PPP1R13B: variants seen among roughly 807,000 people sequenced by gnomAD.
PPP1R13B encodes the protein protein phosphatase 1 regulatory subunit 13B, also known as apoptosis-stimulating of p53 protein 1.
Under a neutral mutation model 119.8 loss-of-function variants are expected in PPP1R13B, and 44 were observed. The ratio of observed to expected loss-of-function variants is 0.37; its 90% confidence interval spans 0.29 to 0.47. PPP1R13B has a LOEUF of 0.47. PPP1R13B is among the 20% of genes least tolerant of loss of function. The pLI is 0.99. For missense variants in PPP1R13B, 1,227 were observed against 1,413.5 expected (o/e 0.87, Z 2.12); for synonymous variants, 542 against 561.5 (o/e 0.97, Z 0.49).
At chr14:103,818,655 C>T (rs2086333890) in intron 1 of PPP1R13B, among the ~76,000 whole-genome samples, 1 of 152,104 alleles carries the variant, frequency 6.6e-6, no homozygotes, top group Admixed American at 6.6e-5. Flanking sequence ...CCAGGGGTCA[C>T]GCTTATTTTA....
upstream of PPP1R13B, chr14:103,847,749 T>C (rs1447397437): frequency 6.5e-5 from 35 of 540,226 alleles, no homozygotes; most frequent in Non-Finnish European, 8.3e-5. Context: ...GCCAGGTGCG[T>C]GCGCGTCCGC....
intron 8 of PPP1R13B, among the ~76,000 whole-genome samples, chr14:103,747,688 A>T (rs1007040844): frequency 6.6e-6 from 1 of 152,084 alleles, no homozygotes; most frequent in East Asian, 1.9e-4. Flanking sequence ...CGAGTCCCCA[A>T]AGTCAACTGT....
At chr14:103,775,845 T>C (rs1436668300) in intron 4 of PPP1R13B, among the ~76,000 whole-genome samples, 3 of 152,046 alleles carry the variant, frequency 2.0e-5, no homozygotes, top group Non-Finnish European at 2.9e-5. Context: ...TCTACTCCAA[T>C]GACAGAAGGC....
intron 1 of PPP1R13B, among the ~76,000 whole-genome samples, chr14:103,845,310 G>C (rs1046154846): frequency 1.3e-5 from 2 of 152,112 alleles, no homozygotes; most frequent in Non-Finnish European, 2.9e-5. Context: ...AACTCCAACT[G>C]TGTTAATAGA....
chr14:103,835,470 G>A (rs1412006757), intron 1 of PPP1R13B, among the ~76,000 whole-genome samples: 3 of 145,486 alleles, frequency 2.1e-5, no homozygotes, highest in African/African-American at 7.7e-5. Context: ...TTGCTCTGTT[G>A]CCCAGACTGA....
chr14:103,822,173 C>A (rs1044408753), intron 1 of PPP1R13B, among the ~76,000 whole-genome samples: 4 of 151,718 alleles, frequency 2.6e-5, no homozygotes, highest in African/African-American at 9.7e-5. Context: ...TTGCTCTTGT[C>A]GCCCAGGCTG....
At chr14:103,823,093 C>T (rs772024375) in intron 1 of PPP1R13B, among the ~76,000 whole-genome samples, 3 of 151,764 alleles carry the variant, frequency 2.0e-5, no homozygotes, top group Non-Finnish European at 2.9e-5. Flanking sequence ...AATCCCAGCA[C>T]TTTGGGAGGC....
intron 2 of PPP1R13B, among the ~76,000 whole-genome samples, chr14:103,796,148 T>C (rs1486683489): frequency 6.6e-6 from 1 of 152,004 alleles, no homozygotes; most frequent in Admixed American, 6.6e-5. Context: ...CCGGGCATGG[T>C]GGTGCATGCC....
intron 1 of PPP1R13B, among the ~76,000 whole-genome samples, chr14:103,825,834 A>AT (rs1244357031): frequency 3.0e-5 from 4 of 135,486 alleles, no homozygotes; most frequent in Non-Finnish European, 4.6e-5. Context: ...GTAGACAGTG[A>AT]TTTTTTCTTT....
At chr14:103,763,817 C>T (rs865895260) in intron 4 of PPP1R13B, 6 of 152,362 alleles carry the variant, frequency 3.9e-5, no homozygotes, top group African/African-American at 1.4e-4. Context: ...CACTCTGGGC[C>T]CCAGCTGCAG....
chr14:103,789,062 CAACA>C (rs1289113511), intron 2 of PPP1R13B, among the ~76,000 whole-genome samples: 1 of 152,152 alleles, frequency 6.6e-6, no homozygotes, highest in East Asian at 1.9e-4. Flanking sequence ...TGATTTATAG[CAACA>C]AACAAGCTCT....
Position 103,784,176 on chromosome 14 carries a change from A to C in PPP1R13B, c.277+619T>G, listed in dbSNP as rs370799298. 4.0e-5 allele frequency among the ~76,000 whole-genome samples: 6 copies of C among 149,636 alleles called. No individual in the cohort carries two copies. The South Asian group carries it at 6.4e-4, about 16-fold the overall frequency. On this transcript the variant is annotated intron_variant, in intron 3 of 16. Coordinates refer to ENST00000202556, the MANE Select transcript of PPP1R13B (RefSeq NM_015316.3). Reference sequence around the variant, plus strand: ...GGGTGACAGAGTGAGACTCCATCTCAAAACAAAACAAAACAAAAATCCCTT... The same window carrying C: ...GGGTGACAGAGTGAGACTCCATCTCCAAACAAAACAAAACAAAAATCCCTT...
At chr14:103,774,361 C>G (rs2085134272) in intron 4 of PPP1R13B, among the ~76,000 whole-genome samples, 1 of 152,170 alleles carries the variant, frequency 6.6e-6, no homozygotes, top group African/African-American at 2.4e-5. Context: ...TGATCTGGCT[C>G]TGAATCCTTT....
intron 3 of PPP1R13B, among the ~76,000 whole-genome samples, chr14:103,782,983 T>G (rs1299668416): frequency 6.6e-6 from 1 of 152,022 alleles, no homozygotes; most frequent in African/African-American, 2.4e-5. Flanking sequence ...TTTTGTATTT[T>G]TAGTAGAGAC....
chr14:103,829,050 A>G (rs368135236), intron 1 of PPP1R13B, among the ~76,000 whole-genome samples: 4 of 152,320 alleles, frequency 2.6e-5, no homozygotes, highest in African/African-American at 7.2e-5. Context: ...TACTGACTGC[A>G]AAAAAAGATA....
In PPP1R13B at chr14:103,738,944, A is replaced by G. The variant is rs2084179473; in HGVS notation, c.2672T>C (p.Leu891Pro). The G allele has an allele frequency of 6.2e-7, 1 of 1,614,026 alleles. No homozygotes were observed. The highest frequency in any genetic ancestry group is 1.7e-5 in the Admixed American group (1 of 60,006). The change falls in exon 13 of 17, where the codon CTG becomes CCG. Residue 891 changes from leucine (L) to proline (P), a missense_variant. By Grantham distance (98) the Leu-to-Pro change is moderately conservative. Transcript: ENST00000202556. The surrounding 1 kb of genome is among the most constrained non-coding windows in gnomAD (Gnocchi z 5.6). ...GLRVRFNPLA[L>P]LLDASLEGEF... ...TCCTTCCAGAGACGCGTCTAGGAGC[A>G]GTGCCAGGGGGTTAAACCGGACTCT...
At position 103,847,337 on chromosome 14, in the gene PPP1R13B, G is replaced by T. The variant is rs1410972776; in HGVS notation, c.-30C>A. 6.0e-6 allele frequency: 7 copies of T among 1,166,994 alleles called. No homozygotes were observed. The African/African-American group carries it at 1.0e-4, about 17-fold the overall frequency. The allele number at this position is 1,166,994 out of a possible 1,614,324, so 72.3% of individuals were successfully genotyped here. A position where few individuals can be genotyped will look rare whatever the true frequency, so the allele number is the denominator to read the frequency against. ...GGGAGAGTCCGCGACGCCCTCGGCC[G>T]CCGCCTGACAGGACGCTCCGCGCCG... is the stretch of plus-strand genomic sequence containing the variant. On this transcript the variant is annotated 5_prime_UTR_variant, in exon 1 of 17. Transcript: ENST00000202556.
chr14:103,766,278 G>A lies in PPP1R13B; in HGVS notation c.355-8527C>T, dbSNP rs186225104. On this transcript the variant is annotated intron_variant, in intron 4 of 16. Transcript: ENST00000202556. ...CCACCTCGGCTTCCCAAGGTGCTGG[G>A]ATTACAGGCGTCATCCACCGTGCCT... Among the ~76,000 whole-genome samples, 500 of 152,142 alleles carry A rather than the reference G, an allele frequency of 3.3e-3. 2 individuals carry two copies. The highest frequency in any genetic ancestry group is 0.011 in the African/African-American group (472 of 41,514).
intron 1 of PPP1R13B, among the ~76,000 whole-genome samples, chr14:103,830,406 T>A (rs566208287): frequency 8.5e-5 from 13 of 152,286 alleles, no homozygotes; most frequent in African/African-American, 3.1e-4. Context: ...TCTTTTAGGT[T>A]CTTTTTATGT....
Sources: gnomAD v4.1 joint callset for allele counts (sites outside exome capture counted in the v4.1 genomes callset) on GRCh38, gnomAD v4.1.1 for gene constraint, Gnocchi (gnomAD v3.1) non-coding constraint, MANE v1.5 for transcripts, NCBI Gene and HGNC (gene_info 2026-07-23, HGNC 2026-07-21) for gene names.